The following NCOA3 variants were observed in gnomAD, a reference collection of about 807,000 sequenced individuals.
NCOA3 encodes the protein nuclear receptor coactivator 3, also known as CBP-interacting protein.
NCOA3 carries 51 observed loss-of-function variants against 158.8 expected under a neutral mutation model. The observed-to-expected ratio is 0.32, with a 90% CI of 0.26 to 0.41. The LOEUF (loss-of-function observed/expected upper bound fraction) is 0.41. Among genes scored for constraint, NCOA3 ranks in the 10% least tolerant of loss-of-function variants. The pLI is 1.00. For missense variants in NCOA3, 1,510 were observed against 1,746.6 expected (o/e 0.86, Z 2.41); for synonymous variants, 537 against 592.4 (o/e 0.91, Z 1.36).
intron 2 of NCOA3, among the ~76,000 whole-genome samples, chr20:47,590,074 T>A (rs2085603770): frequency 6.6e-6 from 1 of 152,170 alleles, no homozygotes; most frequent in African/African-American, 2.4e-5. Context: ...GTGTTGGTGC[T>A]GGGATTACAG....
intron 1 of NCOA3, among the ~76,000 whole-genome samples, chr20:47,521,481 G>A (rs962732322): frequency 6.6e-6 from 1 of 152,110 alleles, no homozygotes; most frequent in Non-Finnish European, 1.5e-5. Flanking sequence ...CTCTGCTGCT[G>A]TGTCGTTCCC....
At chr20:47,541,776 G>C (rs931506310) in intron 1 of NCOA3, among the ~76,000 whole-genome samples, 2 of 151,800 alleles carry the variant, frequency 1.3e-5, no homozygotes, top group African/African-American at 4.8e-5. Flanking sequence ...TTCATAAAAA[G>C]CAAACTCTAC....
At chr20:47,649,672 A>G (rs533360430) in intron 19 of NCOA3, among the ~76,000 whole-genome samples, 32 of 152,270 alleles carry the variant, frequency 2.1e-4, no homozygotes, top group South Asian at 1.0e-3. Context: ...GTGATTTGAA[A>G]TATCGTTTAT....
intron 1 of NCOA3, among the ~76,000 whole-genome samples, chr20:47,542,433 A>G (rs1431128892): frequency 6.6e-6 from 1 of 151,950 alleles, no homozygotes; most frequent in Non-Finnish European, 1.5e-5. Flanking sequence ...CTATTTTTAA[A>G]ATGGTAGTTA....
At chr20:47,560,502 T>TA (rs1474518142) in intron 1 of NCOA3, among the ~76,000 whole-genome samples, 7 of 152,230 alleles carry the variant, frequency 4.6e-5, no homozygotes, top group Admixed American at 4.6e-4. Flanking sequence ...CTGTATCATT[T>TA]GTATGCTCAC....
At chr20:47,615,247 A>G (rs939077377) in intron 2 of NCOA3, among the ~76,000 whole-genome samples, 1 of 152,192 alleles carries the variant, frequency 6.6e-6, no homozygotes, top group African/African-American at 2.4e-5. Context: ...TTTCTCCCTT[A>G]TTAATTTAGG....
rs565882541 is a variant in NCOA3, at chr20:47,583,167, T to C, written c.-98-16T>C. On this transcript the variant is annotated splice_polypyrimidine_tract_variant and intron_variant, in intron 1 of 22. Transcript: ENST00000371998. Reference sequence around the variant, plus strand: ...AGACAATAAAATTCAATCCCTCCTCTTCTTTTTGTCCTCAGGATCAAAATA... The same window carrying C: ...AGACAATAAAATTCAATCCCTCCTCCTCTTTTTGTCCTCAGGATCAAAATA... 9 of 398,510 alleles carry C rather than the reference T, an allele frequency of 2.3e-5. No homozygotes were observed. The highest frequency in any genetic ancestry group is 3.5e-5 in the Non-Finnish European group (8 of 226,060). The allele number at this position is 398,510 out of a possible 1,614,324, so 24.7% of individuals were successfully genotyped here.
chr20:47,592,880 C>T (rs1360609993), intron 2 of NCOA3, among the ~76,000 whole-genome samples: 1 of 152,176 alleles, frequency 6.6e-6, no homozygotes, highest in Non-Finnish European at 1.5e-5. Flanking sequence ...AGATGACATT[C>T]CTCCAGCAGT....
At chr20:47,557,428 A>G (rs937731418) in intron 1 of NCOA3, among the ~76,000 whole-genome samples, 5 of 152,200 alleles carry the variant, frequency 3.3e-5, no homozygotes, top group Admixed American at 3.3e-4. Flanking sequence ...TTTGAGGGTC[A>G]GAGAGGTGAA....
At chr20:47,533,587 C>T (rs2084585376) in intron 1 of NCOA3, among the ~76,000 whole-genome samples, 1 of 152,054 alleles carries the variant, frequency 6.6e-6, no homozygotes, top group Non-Finnish European at 1.5e-5. Flanking sequence ...TCATAAGACC[C>T]TCCAGCAGTC....
intron 1 of NCOA3, among the ~76,000 whole-genome samples, chr20:47,529,762 A>G (rs1369648382): frequency 6.6e-6 from 1 of 152,192 alleles, no homozygotes; most frequent in Admixed American, 6.5e-5. Context: ...GATGATAAAC[A>G]ATTCTTTCCT....
chr20:47,549,197 C>T (rs913975150), intron 1 of NCOA3, among the ~76,000 whole-genome samples: 2 of 151,706 alleles, frequency 1.3e-5, no homozygotes, highest in African/African-American at 2.4e-5. Context: ...TTTTGTATCA[C>T]CTATGGAGAA....
At chr20:47,644,101 T>C (rs1247364092) in intron 17 of NCOA3, among the ~76,000 whole-genome samples, 2 of 152,014 alleles carry the variant, frequency 1.3e-5, no homozygotes, top group African/African-American at 4.8e-5. Context: ...CTGACCTACT[T>C]TTCTGGGATT....
intron 18 of NCOA3, among the ~76,000 whole-genome samples, chr20:47,648,377 T>C (rs2086726498): frequency 6.6e-6 from 1 of 152,198 alleles, no homozygotes; most frequent in African/African-American, 2.4e-5. Context: ...ATTCCTCTGA[T>C]CAACTTAAAG....
At chr20:47,602,159 T>A (rs1330564256) in intron 2 of NCOA3, among the ~76,000 whole-genome samples, 1 of 152,254 alleles carries the variant, frequency 6.6e-6, no homozygotes, top group Non-Finnish European at 1.5e-5. Context: ...TCTGTGCTAT[T>A]ACAAATAATG....
chr20:47,539,207 ACTTGATAAGGTGG>A (rs1356111759), intron 1 of NCOA3, among the ~76,000 whole-genome samples: 1 of 152,164 alleles, frequency 6.6e-6, no homozygotes, highest in East Asian at 1.9e-4. Flanking sequence ...AGTCCCAGCT[ACTTGATAAGGTGG>A]CTTGATAAGC....
At chr20:47,652,618 G>C in intron 21 of NCOA3, 38 bp downstream of exon 21, 1 of 1,561,198 alleles carries the variant, frequency 6.4e-7, no homozygotes, top group Non-Finnish European at 8.8e-7. Flanking sequence ...TCACATCCTA[G>C]TCCCAGAAGT....
In NCOA3 at chr20:47,637,741, C is replaced by T. The variant is rs1270167437; in HGVS notation, c.2470C>T (p.Leu824=). 6.2e-7 allele frequency: 1 copy of T among 1,610,710 alleles called. No individual in the cohort carries two copies. The highest frequency in any genetic ancestry group is 8.5e-7 in the Non-Finnish European group (1 of 1,178,854). Residue 824 remains leucine (L), a synonymous_variant, in exon 13 of 23, where the codon CTG becomes TTG. Coordinates refer to ENST00000371998, the MANE Select transcript of NCOA3 (RefSeq NM_181659.3). ...TTCCATATCCTCAAATGGTAGTCAT[C>T]TGGGGACTAAGCAACAGGTGTTTCA... ...NNSISSNGSH[L]GTKQQVFQGT...
chr20:47,576,165 C>T (rs2085369303), intron 1 of NCOA3, among the ~76,000 whole-genome samples: 1 of 152,132 alleles, frequency 6.6e-6, no homozygotes. Context: ...GCCTGCATTT[C>T]TGTGGATCCA....
Sources: allele counts gnomAD v4.1 joint callset (sites outside exome capture counted in the v4.1 genomes callset), GRCh38; gene constraint gnomAD v4.1.1; transcripts MANE v1.5; gene names NCBI Gene and HGNC (gene_info 2026-07-23, HGNC 2026-07-21).